NCKAP5: variants seen among roughly 807,000 people sequenced by gnomAD.
The protein encoded by NCKAP5 is NCK associated protein 5, also known as nck-associated protein 5.
A neutral mutation model predicts 167.0 loss-of-function variants in NCKAP5; 92 were observed. The observed-to-expected ratio is 0.55, with a 90% CI of 0.47 to 0.66. The LOEUF (loss-of-function observed/expected upper bound fraction) is 0.66, where lower values mean the gene tolerates loss of function less well. NCKAP5 is among the 30% of genes least tolerant of loss of function. The pLI is 0.00. For synonymous variants in NCKAP5, 891 were observed against 877.4 expected (o/e 1.02, Z -0.27); for missense variants, 2,378 against 2,315.0 (o/e 1.03, Z -0.56).
intron 7 of NCKAP5, 32 bp downstream of exon 7, chr2:132,994,120 G>A (rs1483025649): frequency 6.9e-7 from 1 of 1,439,118 alleles, no homozygotes; most frequent in East Asian, 2.4e-5. Context: ...AAGCAGACCA[G>A]TACCCAGCCA....
At chr2:133,481,365 A>G (rs1680409935) in intron 3 of NCKAP5, among the ~76,000 whole-genome samples, 2 of 152,178 alleles carry the variant, frequency 1.3e-5, no homozygotes, top group South Asian at 4.1e-4. Flanking sequence ...GATGTGTGAT[A>G]AGATTTTTAC....
chr2:132,725,554 C>T, intron 19 of NCKAP5, 73 bp downstream of exon 19: 2 of 1,492,838 alleles, frequency 1.3e-6, no homozygotes, highest in Non-Finnish European at 1.8e-6. Flanking sequence ...GGGGGCCGAG[C>T]ACAGTGAAAG....
At chr2:133,518,600 T>C (rs888686565) in intron 2 of NCKAP5, among the ~76,000 whole-genome samples, 9 of 152,008 alleles carry the variant, frequency 5.9e-5, no homozygotes, top group African/African-American at 2.2e-4. Flanking sequence ...ATGATCTGCC[T>C]GCCTCGGCCT....
At chr2:132,969,498 G>C (rs778748429) in intron 7 of NCKAP5, among the ~76,000 whole-genome samples, 89 of 152,194 alleles carry the variant, frequency 5.8e-4, no homozygotes, top group Non-Finnish European at 1.1e-3. Flanking sequence ...TCAAGGAAAG[G>C]AAGAATTATC....
At chr2:133,025,927 C>T (rs895428245) in intron 6 of NCKAP5, among the ~76,000 whole-genome samples, 1 of 152,164 alleles carries the variant, frequency 6.6e-6, no homozygotes, top group African/African-American at 2.4e-5. Flanking sequence ...AACCCATCAC[C>T]TAGGTATTAA....
At position 133,365,524 on chromosome 2, in the gene NCKAP5, T is replaced by TACACAC. The variant is rs3083042; in HGVS notation, c.70-62420_70-62415dup. Among the ~76,000 whole-genome samples, 1,030 of 149,310 alleles carry TACACAC rather than the reference T, an allele frequency of 6.9e-3. 14 individuals carry two copies. The highest frequency in any genetic ancestry group is 0.022 in the African/African-American group (916 of 40,762). ...TAGAATTCTGCCATTATACTTAGCC[T>TACACAC]ACACACACACACACACACACGTATA... On this transcript the variant is annotated intron_variant, in intron 3 of 19. Transcript: ENST00000409261.
chr2:132,977,200 C>T (rs2077002340), intron 7 of NCKAP5, among the ~76,000 whole-genome samples: 1 of 152,166 alleles, frequency 6.6e-6, no homozygotes, highest in Non-Finnish European at 1.5e-5. Flanking sequence ...CAGCAAATGT[C>T]CAATGCTGGT....
chr2:133,506,468 C>T (rs1055920032), intron 3 of NCKAP5, among the ~76,000 whole-genome samples: 6 of 152,152 alleles, frequency 3.9e-5, no homozygotes, highest in African/African-American at 1.4e-4. Flanking sequence ...GCCCCATTCC[C>T]TCTGGCTTCC....
At chr2:132,746,925 T>A (rs1280107427) in intron 16 of NCKAP5, among the ~76,000 whole-genome samples, 1 of 152,082 alleles carries the variant, frequency 6.6e-6, no homozygotes, top group Non-Finnish European at 1.5e-5. Context: ...AAGGCAAAAC[T>A]ACACTGATAT....
intron 19 of NCKAP5, among the ~76,000 whole-genome samples, chr2:132,700,939 G>A (rs974250604): frequency 7.1e-6 from 1 of 141,330 alleles, no homozygotes; most frequent in Non-Finnish European, 1.5e-5. Context: ...GCGGGGGGGG[G>A]GGCTTTTAAG....
At chr2:133,275,835 T>C (rs1206853774) in intron 4 of NCKAP5, among the ~76,000 whole-genome samples, 2 of 151,512 alleles carry the variant, frequency 1.3e-5, no homozygotes, top group Non-Finnish European at 2.9e-5. Flanking sequence ...GATCACTACA[T>C]AACTTAATCA....
rs576721112 is a variant in NCKAP5, at chr2:133,105,001, C to A, written c.341+24977G>T. On this transcript the variant is annotated intron_variant, in intron 6 of 19. Transcript: ENST00000409261. ...GCCATGCGCCTGCTCACACTCTCTC[C>A]CGCTAATAAGTAGCAGGCCTCCTCC... Among the ~76,000 whole-genome samples, 23 of 152,336 alleles carry A rather than the reference C, an allele frequency of 1.5e-4. No individual in the cohort carries two copies. In the South Asian group the frequency reaches 4.8e-3, roughly 32 times the overall value.
intron 19 of NCKAP5, among the ~76,000 whole-genome samples, chr2:132,708,235 G>A (rs1345641513): frequency 6.6e-6 from 1 of 152,086 alleles, no homozygotes; most frequent in Non-Finnish European, 1.5e-5. Context: ...GCCACAGTGG[G>A]GTAGAGCACC....
chr2:132,920,817 A>G (rs1377952593), intron 8 of NCKAP5, among the ~76,000 whole-genome samples: 1 of 101,288 alleles, frequency 9.9e-6, no homozygotes, highest in Non-Finnish European at 2.1e-5. Context: ...ATATATATAT[A>G]TGGAAGAACT....
At position 132,834,444 on chromosome 2, in the gene NCKAP5, A is replaced by T. The variant is rs182092495; in HGVS notation, c.807+26048T>A. ...ACTGCAAGCTCCGCCTCCCGGGTTC[A>T]TGCCATTCTCCTGCCTCAGCCTCCC... On this transcript the variant is annotated intron_variant, in intron 11 of 19. Transcript: ENST00000409261. Among the ~76,000 whole-genome samples the T allele has an allele frequency of 5.3e-5, 8 of 152,284 alleles. No individual in the cohort carries two copies. The East Asian group carries it at 1.2e-3, about 22-fold the overall frequency.
chr2:133,054,334 A>T (rs2079716730), intron 6 of NCKAP5, among the ~76,000 whole-genome samples: 1 of 152,196 alleles, frequency 6.6e-6, no homozygotes, highest in Non-Finnish European at 1.5e-5. Flanking sequence ...ACAAAGCCAA[A>T]TATGCTAAGG....
intron 3 of NCKAP5, among the ~76,000 whole-genome samples, chr2:133,430,627 G>C (rs1690098352): frequency 1.3e-5 from 2 of 152,010 alleles, no homozygotes; most frequent in Non-Finnish European, 2.9e-5. Flanking sequence ...TATTGAATAG[G>C]GAGTCCTTTC....
At chr2:133,525,627 T>C (rs1170463319) in intron 2 of NCKAP5, among the ~76,000 whole-genome samples, 1 of 152,224 alleles carries the variant, frequency 6.6e-6, no homozygotes, top group Non-Finnish European at 1.5e-5. Flanking sequence ...AAACAAATTA[T>C]TGAGATATAA....
At chr2:132,864,381 G>A (rs982417265) in intron 10 of NCKAP5, among the ~76,000 whole-genome samples, 3 of 151,822 alleles carry the variant, frequency 2.0e-5, no homozygotes, top group Admixed American at 1.3e-4. Context: ...TGGTGTTTGG[G>A]TTCAAGAAAA....
Sources: allele counts gnomAD v4.1 joint callset (sites outside exome capture counted in the v4.1 genomes callset), GRCh38; gene constraint gnomAD v4.1.1; transcripts MANE v1.5; gene names NCBI Gene and HGNC (gene_info 2026-07-23, HGNC 2026-07-21).